STX8: variants seen among roughly 807,000 people sequenced by gnomAD.
The protein encoded by STX8 is syntaxin-8.
In STX8, 23 loss-of-function variants were observed where a neutral mutation model predicts 37.5. The ratio of observed to expected loss-of-function variants is 0.61; its 90% CI spans 0.44 to 0.87. The LOEUF is 0.87. Ranked by LOEUF, STX8 falls within the 40% of genes least tolerant of loss-of-function variation. The pLI, the probability that STX8 is intolerant of heterozygous loss-of-function variation, is 0.00. For synonymous variants in STX8, 115 were observed against 99.1 expected, an observed-to-expected ratio of 1.16 and a Z score of -0.95; for missense variants, 313 against 284.7, an observed-to-expected ratio of 1.10 and a Z score of -0.71.
intron 4 of STX8, among the ~76,000 whole-genome samples, chr17:9,524,634 C>T (rs1378427721): frequency 6.6e-6 from 1 of 152,190 alleles, no homozygotes; most frequent in Non-Finnish European, 1.5e-5. Context: ...CCATTCAAGA[C>T]ATACAAAAGT....
intron 3 of STX8, among the ~76,000 whole-genome samples, chr17:9,546,830 C>A (rs1339711808): frequency 6.6e-6 from 1 of 150,990 alleles, no homozygotes; most frequent in Admixed American, 6.6e-5. Context: ...ATCTCTTGAC[C>A]TCATGATCCG....
At chr17:9,485,699 C>T (rs1906564693) in intron 6 of STX8, among the ~76,000 whole-genome samples, 2 of 151,970 alleles carry the variant, frequency 1.3e-5, no homozygotes, top group African/African-American at 4.8e-5. Flanking sequence ...GATTCTCCTG[C>T]CTCAGCCTCC....
At chr17:9,370,191 G>A (rs959135708) in intron 7 of STX8, among the ~76,000 whole-genome samples, 1 of 152,116 alleles carries the variant, frequency 6.6e-6, no homozygotes, top group Admixed American at 6.6e-5. Flanking sequence ...CTCCAGCCTG[G>A]GCGAAAGAGC....
At chr17:9,354,159 A>G (rs1248636485) in intron 7 of STX8, among the ~76,000 whole-genome samples, 2 of 152,058 alleles carry the variant, frequency 1.3e-5, no homozygotes, top group Admixed American at 6.5e-5. Context: ...CACCTCTTCA[A>G]TCTCCCATCT....
chr17:9,514,721 T>G (rs1905117344), intron 4 of STX8, among the ~76,000 whole-genome samples: 1 of 152,170 alleles, frequency 6.6e-6, no homozygotes, highest in Non-Finnish European at 1.5e-5. Context: ...TCCAGGTGAT[T>G]TATATATATT....
intron 7 of STX8, among the ~76,000 whole-genome samples, chr17:9,376,001 C>T (rs544130683): frequency 6.6e-6 from 1 of 152,244 alleles, no homozygotes; most frequent in South Asian, 2.1e-4. Flanking sequence ...GTGGCCAGCA[C>T]TGGACACTTT....
intron 6 of STX8, among the ~76,000 whole-genome samples, chr17:9,472,788 C>T (rs1388187857): frequency 6.6e-6 from 1 of 152,142 alleles, no homozygotes; most frequent in African/African-American, 2.4e-5. Context: ...GGAGAGATGG[C>T]CTTTTCCTTG....
At chr17:9,438,574 A>AT (rs1904526972) in intron 6 of STX8, among the ~76,000 whole-genome samples, 1 of 152,144 alleles carries the variant, frequency 6.6e-6, no homozygotes, top group Admixed American at 6.5e-5. Flanking sequence ...TTTGTAGGCC[A>AT]TACGTCTCTG....
At chr17:9,339,070 C>CAAAAAAAAAAAAAAAAA (rs34987749) in intron 7 of STX8, among the ~76,000 whole-genome samples, 30 of 70,020 alleles carry the variant, frequency 4.3e-4, no homozygotes, top group African/African-American at 1.9e-3. Context: ...GACTCCGTCT[C>CAAAAAAAAAAAAAAAAA]AAAAAAAAAA....
intron 6 of STX8, among the ~76,000 whole-genome samples, chr17:9,388,572 G>C (rs112049646): frequency 6.6e-6 from 1 of 151,464 alleles, no homozygotes; most frequent in East Asian, 2.0e-4. Flanking sequence ...GGGAGGCCGA[G>C]GTGGGCGGAT....
At chr17:9,369,568 T>C (rs553395091) in intron 7 of STX8, among the ~76,000 whole-genome samples, 5 of 152,138 alleles carry the variant, frequency 3.3e-5, no homozygotes, top group Admixed American at 3.3e-4. Flanking sequence ...CTTACCTATG[T>C]TTTATAAGGT....
intron 4 of STX8, among the ~76,000 whole-genome samples, chr17:9,520,864 A>G (rs1243062175): frequency 2.0e-5 from 3 of 152,216 alleles, no homozygotes; most frequent in Non-Finnish European, 4.4e-5. Context: ...AAGTGACTAT[A>G]TAAAATGTTT....
chr17:9,522,901 A>C (rs919006016), intron 4 of STX8, among the ~76,000 whole-genome samples: 3 of 152,110 alleles, frequency 2.0e-5, no homozygotes, highest in Non-Finnish European at 4.4e-5. Flanking sequence ...CAGTTTTTTG[A>C]ATAGCTAGAA....
At chr17:9,254,557 G>A (rs147288081) in intron 7 of STX8, among the ~76,000 whole-genome samples, 32 of 152,094 alleles carry the variant, frequency 2.1e-4, no homozygotes, top group African/African-American at 3.6e-4. Context: ...CACTATGCCC[G>A]GCTAATTTTT....
At chr17:9,516,298 CATATATATATATAT>C (rs150682084) in intron 4 of STX8, among the ~76,000 whole-genome samples, 1,544 of 51,754 alleles carry the variant, frequency 0.03, 54 homozygotes, top group East Asian at 0.069. Flanking sequence ...GAACCACAGT[CATATATATATATAT>C]ATATATATAT....
chr17:9,494,503 G>T (rs1907011578), intron 5 of STX8, among the ~76,000 whole-genome samples: 1 of 149,880 alleles, frequency 6.7e-6, no homozygotes, highest in Non-Finnish European at 1.5e-5. Context: ...CATGCCTATA[G>T]TCCCAGCTAC....
chr17:9,349,936 T>C (rs1255401503), intron 7 of STX8, among the ~76,000 whole-genome samples: 1 of 152,104 alleles, frequency 6.6e-6, no homozygotes, highest in African/African-American at 2.4e-5. Flanking sequence ...GGGGTCTGAC[T>C]ATGTTGACCA....
intron 7 of STX8, among the ~76,000 whole-genome samples, chr17:9,362,910 GA>G (rs564666725): frequency 0.011 from 1,618 of 150,066 alleles, 30 homozygotes; most frequent in African/African-American, 0.035. Flanking sequence ...ATATATGTTT[GA>G]AAAAAAAATT....
intron 6 of STX8, among the ~76,000 whole-genome samples, chr17:9,385,615 C>T (rs183477261): frequency 1.7e-4 from 26 of 152,270 alleles, no homozygotes; most frequent in African/African-American, 6.0e-4. Context: ...AAATAAGATA[C>T]TGCTTCACAC....
Sources: allele counts gnomAD v4.1 joint callset (sites outside exome capture counted in the v4.1 genomes callset), GRCh38; gene constraint gnomAD v4.1.1; transcripts MANE v1.5; gene names NCBI Gene and HGNC (gene_info 2026-07-23, HGNC 2026-07-21).